Variants in SSTR2 observed in about 807,000 individuals in gnomAD.
SSTR2 encodes somatostatin receptor type 2.
Under a neutral mutation model 21.4 loss-of-function variants are expected in SSTR2, and 10 were observed. That is an observed-to-expected ratio of 0.47 (90% CI 0.29 to 0.79). The LOEUF (loss-of-function observed/expected upper bound fraction) is 0.79. SSTR2 is among the 30% of genes least tolerant of loss of function. The probability of loss-of-function intolerance (pLI) is 0.10; values close to 1 mark genes in which losing one functional copy is unlikely to be tolerated. For synonymous variants in SSTR2, 177 were observed against 181.3 expected (o/e 0.98, Z 0.19); for missense variants, 364 against 468.8 (o/e 0.78, Z 2.06).
At chr17:73,165,946 C>CG (rs951187950) in intron 1 of SSTR2, among the ~76,000 whole-genome samples, 33 of 151,424 alleles carry the variant, frequency 2.2e-4, no homozygotes, top group Middle Eastern at 3.4e-3. Context: ...CTCAGCGCCC[C>CG]CCCCCCACAC....
intron 1 of SSTR2, among the ~76,000 whole-genome samples, chr17:73,167,469 A>C (rs2061219999): frequency 6.6e-6 from 1 of 151,918 alleles, no homozygotes; most frequent in South Asian, 2.1e-4. Context: ...TTAAGAAGTA[A>C]TCTTCCATCT....
In SSTR2 at chr17:73,170,060, G is replaced by A. The variant is rs367820058; in HGVS notation, c.741G>A (p.Arg247=). The change falls in exon 2 of 2, where the codon AGG becomes AGA. Residue 247 remains arginine (R), a synonymous_variant. Coordinates refer to ENST00000357585, the MANE Select transcript of SSTR2 (RefSeq NM_001050.3). Reference sequence around the variant, plus strand: ...GAATCCGAGTGGGCTCCTCTAAGAGGAAGAAGTCTGAGAAGAAGGTCACCC... The same window carrying A: ...GAATCCGAGTGGGCTCCTCTAAGAGAAAGAAGTCTGAGAAGAAGGTCACCC... ...SSGIRVGSSK[R]KKSEKKVTRM... is the part of the protein sequence containing the mutation. The A allele has an allele frequency of 7.4e-6, 12 of 1,614,144 alleles. No individual in the cohort carries two copies. In the African/African-American group the frequency reaches 1.3e-4, roughly 18 times the overall value.
chr17:73,167,771 A>C (rs755851084), intron 1 of SSTR2, among the ~76,000 whole-genome samples: 2 of 152,040 alleles, frequency 1.3e-5, no homozygotes, highest in Non-Finnish European at 2.9e-5. Context: ...CCCCTTTTAA[A>C]TTATCACCTC....
rs1477080629 is a variant in SSTR2 at position 73,172,609 on chromosome 17, G to A, written c.*2180G>A. The A allele has an allele frequency of 6.6e-6, 1 of 152,162 alleles. No homozygotes were observed. The highest frequency in any genetic ancestry group is 1.5e-5 in the Non-Finnish European group (1 of 68,012). The allele number at this position is 152,162 out of a possible 1,614,324, so 9.4% of individuals were successfully genotyped here. A position where few individuals can be genotyped will look rare whatever the true frequency, so the allele number is the denominator to read the frequency against. ...CCATACAAAAATAAAAAGAGGTATAGTTATAAAACAAGACTACAGAAAAAG... is the reference window on the plus strand; with the variant it reads ...CCATACAAAAATAAAAAGAGGTATAATTATAAAACAAGACTACAGAAAAAG... On this transcript the variant is annotated 3_prime_UTR_variant, in exon 2 of 2. Coordinates refer to ENST00000357585, the MANE Select transcript of SSTR2 (RefSeq NM_001050.3).
rs376810550 is a variant in SSTR2 at position 73,170,341 on chromosome 17, G to C, written c.1022G>C (p.Ser341Thr). Residue 341 changes from serine (S) to threonine (T), a missense_variant, in exon 2 of 2, where the codon AGT becomes ACT. By Grantham distance (58) the Ser-to-Thr change is moderately conservative (BLOSUM62 1). Around this residue, in one of 4 missense-constraint regions of SSTR2, gnomAD observed 71 missense variants for 53.8 expected, o/e 1.32. Coordinates refer to ENST00000357585, the MANE Select transcript of SSTR2 (RefSeq NM_001050.3). ...KVSGTDDGER[S>T]DSKQDKSRLN... ...AGCGGCACAGATGATGGGGAGCGGA[G>C]TGACAGTAAGCAGGACAAATCCCGG... is the stretch of plus-strand genomic sequence containing the variant. 1.9e-6 allele frequency: 3 copies of C among 1,613,974 alleles called. No individual in the cohort carries two copies.
Position 73,173,473 on chromosome 17 carries a change from G to A in SSTR2, c.*3044G>A, listed in dbSNP as rs556613158. On this transcript the variant is annotated 3_prime_UTR_variant, in exon 2 of 2. Transcript: ENST00000357585. ...TACTTTTTGAAGTATCTGTTTCAAA[G>A]ATAACTTGCTCTCTGGTTCTCTTTT... 1 of 152,204 alleles carries A rather than the reference G, an allele frequency of 6.6e-6. No individual in the cohort carries two copies. Among genetic ancestry groups the A allele is most frequent in the Non-Finnish European group, 1.5e-5 (1 of 68,038 alleles). The allele number at this position is 152,204 out of a possible 1,614,324, so 9.4% of individuals were successfully genotyped here.
rs959815029 is a variant in SSTR2 at position 73,172,299 on chromosome 17, G to C, written c.*1870G>C. Reference sequence around the variant, plus strand: ...GACTGATCATTTTCTAGAGTATGAAGAAATACACACCTGGGTGTCTGCAAG... The same window carrying C: ...GACTGATCATTTTCTAGAGTATGAACAAATACACACCTGGGTGTCTGCAAG... On this transcript the variant is annotated 3_prime_UTR_variant, in exon 2 of 2. Transcript: ENST00000357585. 1.3e-5 allele frequency: 2 copies of C among 152,176 alleles called. No individual in the cohort carries two copies. The highest frequency in any genetic ancestry group is 2.9e-5 in the Non-Finnish European group (2 of 68,040). 9.4% of individuals were successfully genotyped at this position (152,176 alleles called of 1,614,324 possible).
Position 73,175,612 on chromosome 17 carries a change from C to T in SSTR2, c.*5183C>T, listed in dbSNP as rs1183683566. ...GCTCAGCCAATTTTTCCTCAACTCT[C>T]TCTTTCCTGGACGGGCTGCGTTGGG... On this transcript the variant is annotated 3_prime_UTR_variant, in exon 2 of 2. Coordinates refer to ENST00000357585, the MANE Select transcript of SSTR2 (RefSeq NM_001050.3). 1 of 152,186 alleles carries T rather than the reference C, an allele frequency of 6.6e-6. No individual in the cohort carries two copies. Among genetic ancestry groups the T allele is most frequent in the Admixed American group, 6.5e-5 (1 of 15,272 alleles). The allele number at this position is 152,186 out of a possible 1,614,324, so 9.4% of individuals were successfully genotyped here.
At position 73,170,140 on chromosome 17, in the gene SSTR2, T is replaced by C. The variant is rs1048926303; in HGVS notation, c.821T>C (p.Ile274Thr). The change falls in exon 2 of 2, where the codon ATA becomes ACA. Residue 274 changes from isoleucine (I) to threonine (T), a missense_variant. Around this residue, in one of 4 missense-constraint regions of SSTR2, gnomAD observed 193 missense variants for 273.1 expected, o/e 0.71. Transcript: ENST00000357585. ...ATCTTCTGCTGGCTTCCCTTCTACATATTCAACGTTTCTTCCGTCTCCATG... is the reference window on the plus strand; with the variant it reads ...ATCTTCTGCTGGCTTCCCTTCTACACATTCAACGTTTCTTCCGTCTCCATG... ...VFIFCWLPFYIFNVSSVSMAI... is the reference protein window; with the variant it reads ...VFIFCWLPFYTFNVSSVSMAI... The C allele has an allele frequency of 6.2e-7, 1 of 1,614,170 alleles. No homozygotes were observed. The highest frequency in any genetic ancestry group is 8.5e-7 in the Non-Finnish European group (1 of 1,180,032).
Position 73,169,607 on chromosome 17 carries a change from G to A in SSTR2, c.288G>A (p.Leu96=), listed in dbSNP as rs1191304441. ...CAGATGAGCTCTTCATGCTGGGTCT[G>A]CCTTTCTTGGCTATGCAGGTGGCTC... is the stretch of plus-strand genomic sequence containing the variant. ...AIADELFMLG[L]PFLAMQVALV... The change falls in exon 2 of 2, where the codon CTG becomes CTA. Residue 96 remains leucine (L), a synonymous_variant. Transcript: ENST00000357585. The surrounding 1 kb of genome is among the most constrained non-coding windows in gnomAD (Gnocchi z 5.2). The A allele has an allele frequency of 3.1e-6, 5 of 1,614,136 alleles. No homozygotes were observed. The East Asian group carries it at 6.7e-5, about 22-fold the overall frequency.
At chr17:73,166,443 A>AG (rs1378098119) in intron 1 of SSTR2, among the ~76,000 whole-genome samples, 2 of 17,710 alleles carry the variant, frequency 1.1e-4, no homozygotes, top group Non-Finnish European at 2.0e-4. Flanking sequence ...CCTATGTAAA[A>AG]GGGGGGCGGG....
chr17:73,165,989 C>A (rs1375425322), intron 1 of SSTR2, among the ~76,000 whole-genome samples: 2 of 148,642 alleles, frequency 1.3e-5, no homozygotes, highest in Non-Finnish European at 3.0e-5. Context: ...CGATACTGGG[C>A]GTGCTGGCGC....
At chr17:73,165,749 G>A (rs1463244807) in intron 1 of SSTR2, among the ~76,000 whole-genome samples, 2 of 151,714 alleles carry the variant, frequency 1.3e-5, no homozygotes, top group Non-Finnish European at 2.9e-5. Flanking sequence ...GGCGGGCGCA[G>A]AGCGGAGAAA....
In SSTR2 at chr17:73,169,351, G is replaced by A; in HGVS notation, c.32G>A (p.Ser11Asn). Residue 11 changes from serine (S) to asparagine (N), a missense_variant, in exon 2 of 2, where the codon AGC becomes AAC. Around this residue, in one of 4 missense-constraint regions of SSTR2, gnomAD observed 75 missense variants for 75.4 expected, o/e 0.99. Transcript: ENST00000357585. The surrounding 1 kb of genome is among the most constrained non-coding windows in gnomAD (Gnocchi z 5.2). The part of the protein sequence containing the change: MDMADEPLNG[S>N]HTWLSIPFDL... ...ATGGCGGATGAGCCACTCAATGGAA[G>A]CCACACATGGCTATCCATTCCATTT... 6 of 1,613,552 alleles carry A rather than the reference G, an allele frequency of 3.7e-6. No homozygotes were observed. Among genetic ancestry groups the A allele is most frequent in the Non-Finnish European group, 5.1e-6 (6 of 1,179,806 alleles).
At position 73,169,581 on chromosome 17, in the gene SSTR2, G is replaced by A. The variant is rs752599905; in HGVS notation, c.262G>A (p.Ala88Thr). ...CATTTACATCCTCAACCTGGCCATC[G>A]CAGATGAGCTCTTCATGCTGGGTCT... Reference protein sequence around the residue: ...TNIYILNLAIADELFMLGLPF... With the variant: ...TNIYILNLAITDELFMLGLPF... Residue 88 changes from alanine (A) to threonine (T), a missense_variant, in exon 2 of 2, where the codon GCA becomes ACA. Physicochemically the swap from Ala to Thr is moderately conservative, Grantham distance 58. Transcript: ENST00000357585. This position sits in a 1 kb window ranked among gnomAD's most constrained non-coding sequence, Gnocchi z 5.2. The A allele has an allele frequency of 2.0e-5, 33 of 1,614,126 alleles. No homozygotes were observed. The highest frequency in any genetic ancestry group is 4.0e-5 in the African/African-American group (3 of 74,944).
rs998095351 is a variant in SSTR2 at position 73,171,293 on chromosome 17, G to C, written c.*864G>C. On this transcript the variant is annotated 3_prime_UTR_variant, in exon 2 of 2. Coordinates refer to ENST00000357585, the MANE Select transcript of SSTR2 (RefSeq NM_001050.3). ...TAAGTGGTTGTGGTCATCCATCATT[G>C]TATTTATCAAGACAAAGCCAACTTT... 1.8e-5 allele frequency: 3 copies of C among 166,576 alleles called. No individual in the cohort carries two copies. Among genetic ancestry groups the C allele is most frequent in the African/African-American group, 7.2e-5 (3 of 41,426 alleles). 10.3% of individuals were successfully genotyped at this position (166,576 alleles called of 1,614,324 possible).
chr17:73,167,098 T>C (rs748818518), intron 1 of SSTR2, among the ~76,000 whole-genome samples: 14 of 152,212 alleles, frequency 9.2e-5, no homozygotes, highest in Non-Finnish European at 1.8e-4. Context: ...TGAATAGGAT[T>C]CTGGCTCTGT....
Position 73,169,520 on chromosome 17 carries a change from C to A in SSTR2, c.201C>A (p.Val67=). ...GTGGCAACACACTTGTCATTTATGT[C>A]ATCCTCCGCTATGCCAAGATGAAGA... The part of the protein sequence containing the change: ...GLCGNTLVIY[V]ILRYAKMKTI... The change falls in exon 2 of 2, where the codon GTC becomes GTA. Residue 67 remains valine (V), a synonymous_variant. Coordinates refer to ENST00000357585, the MANE Select transcript of SSTR2 (RefSeq NM_001050.3). The surrounding 1 kb of genome is among the most constrained non-coding windows in gnomAD (Gnocchi z 5.2). 2 of 1,614,256 alleles carry A rather than the reference C, an allele frequency of 1.2e-6. No homozygotes were observed. The highest frequency in any genetic ancestry group is 1.7e-6 in the Non-Finnish European group (2 of 1,180,054).
At chr17:73,166,303 G>A (rs2061216004) in intron 1 of SSTR2, among the ~76,000 whole-genome samples, 1 of 152,238 alleles carries the variant, frequency 6.6e-6, no homozygotes. Flanking sequence ...CCTGAGGGAG[G>A]CGGGGGGTGG....
Sources: allele counts gnomAD v4.1 joint callset (sites outside exome capture counted in the v4.1 genomes callset), GRCh38; gene constraint gnomAD v4.1.1; regional missense constraint gnomAD v4.1.1; non-coding constraint Gnocchi (gnomAD v3.1); transcripts MANE v1.5; gene names NCBI Gene and HGNC (gene_info 2026-07-23, HGNC 2026-07-21).